The following SPECC1 variants were observed in gnomAD, a reference collection of about 807,000 sequenced individuals.
SPECC1 encodes cytospin-B.
Under a neutral mutation model 104.1 loss-of-function variants are expected in SPECC1, and 62 were observed. The ratio of observed to expected loss-of-function variants is 0.60; its 90% CI spans 0.49 to 0.74. SPECC1 has a LOEUF of 0.74. Among genes scored for constraint, SPECC1 ranks in the 30% least tolerant of loss-of-function variants. The probability of loss-of-function intolerance (pLI) is 0.00; values close to 1 mark genes in which losing one functional copy is unlikely to be tolerated. For synonymous variants in SPECC1, 513 were observed against 501.6 expected (o/e 1.02, Z -0.30); for missense variants, 1,306 against 1,310.5 (o/e 1.00, Z 0.05).
At chr17:20,295,791 T>C in intron 12 of SPECC1, among the ~76,000 whole-genome samples, 1 of 152,268 alleles carries the variant, frequency 6.6e-6, no homozygotes, top group East Asian at 1.9e-4. Context: ...CATTGTTTCA[T>C]GTGTCTGTTG....
At chr17:20,245,318 C>T (rs1311709416) in intron 7 of SPECC1, among the ~76,000 whole-genome samples, 1 of 152,192 alleles carries the variant, frequency 6.6e-6, no homozygotes, top group East Asian at 1.9e-4. Flanking sequence ...GGAAAGCTGC[C>T]ACCACAGTTG....
chr17:20,099,429 T>G (rs1020520032), intron 2 of SPECC1, among the ~76,000 whole-genome samples: 1 of 150,260 alleles, frequency 6.7e-6, no homozygotes, highest in African/African-American at 2.5e-5. Context: ...TTATGCCACT[T>G]TGGGAGGCTG....
chr17:20,224,689 A>G (rs950929709), intron 4 of SPECC1, among the ~76,000 whole-genome samples: 10 of 152,268 alleles, frequency 6.6e-5, no homozygotes, highest in African/African-American at 2.4e-4. Flanking sequence ...TTTAGTCAGC[A>G]GGTCTGGATC....
intron 12 of SPECC1, among the ~76,000 whole-genome samples, chr17:20,286,156 G>A (rs751982771): frequency 2.6e-5 from 4 of 152,242 alleles, no homozygotes; most frequent in South Asian, 2.1e-4. Flanking sequence ...GGATGCTCAC[G>A]AGGTGACCCA....
chr17:20,091,306 A>C (rs1165506004), intron 1 of SPECC1, among the ~76,000 whole-genome samples: 4 of 152,110 alleles, frequency 2.6e-5, no homozygotes, highest in African/African-American at 9.7e-5. Flanking sequence ...GCTGCGCCCC[A>C]ACCAGATTTT....
chr17:20,114,439 C>T (rs1169959783), intron 3 of SPECC1, among the ~76,000 whole-genome samples: 1 of 151,994 alleles, frequency 6.6e-6, no homozygotes, highest in Admixed American at 6.6e-5. Context: ...ATCCACCTGC[C>T]TTAGCCTCCC....
At chr17:20,191,959 CAG>C (rs1239833071) in intron 3 of SPECC1, among the ~76,000 whole-genome samples, 3 of 152,064 alleles carry the variant, frequency 2.0e-5, no homozygotes, top group Non-Finnish European at 4.4e-5. Flanking sequence ...TTTATTGAGA[CAG>C]TGTCTCACTC....
chr17:20,229,981 C>G (rs537526412), intron 5 of SPECC1, among the ~76,000 whole-genome samples: 2 of 152,258 alleles, frequency 1.3e-5, no homozygotes, highest in Admixed American at 6.5e-5. Flanking sequence ...GAAAGGTTAA[C>G]CTTGCAGGCA....
At chr17:20,047,765 T>C (rs2045593903) in intron 1 of SPECC1, among the ~76,000 whole-genome samples, 1 of 151,888 alleles carries the variant, frequency 6.6e-6, no homozygotes, top group African/African-American at 2.4e-5. Flanking sequence ...GCCTGGCTAA[T>C]TTTTTGTATT....
At chr17:20,135,950 T>C (rs1197667508) in intron 3 of SPECC1, among the ~76,000 whole-genome samples, 1 of 152,160 alleles carries the variant, frequency 6.6e-6, no homozygotes, top group Non-Finnish European at 1.5e-5. Flanking sequence ...CAAATTAACC[T>C]ACCAACTACA....
intron 7 of SPECC1, among the ~76,000 whole-genome samples, chr17:20,232,963 C>T (rs745819036): frequency 6.6e-6 from 1 of 152,208 alleles, no homozygotes; most frequent in Non-Finnish European, 1.5e-5. Flanking sequence ...ACATTCCCTT[C>T]TGCTCTTGAT....
At chr17:20,058,383 A>C (rs2046047495) in intron 1 of SPECC1, among the ~76,000 whole-genome samples, 1 of 152,200 alleles carries the variant, frequency 6.6e-6, no homozygotes, top group African/African-American at 2.4e-5. Context: ...TAATCCCAGC[A>C]CTTTGGGAGG....
chr17:20,174,945 G>A (rs1005907579), intron 3 of SPECC1, among the ~76,000 whole-genome samples: 1 of 151,950 alleles, frequency 6.6e-6, no homozygotes, highest in Non-Finnish European at 1.5e-5. Flanking sequence ...TGAAATGTTA[G>A]TTTCAAAAAA....
At chr17:20,177,920 G>C (rs1567906298) in intron 3 of SPECC1, among the ~76,000 whole-genome samples, 1 of 151,974 alleles carries the variant, frequency 6.6e-6, no homozygotes, top group East Asian at 1.9e-4. Context: ...ATGTTGGCCA[G>C]AATGGTCTTG....
At chr17:20,063,674 C>A (rs553088361) in intron 1 of SPECC1, among the ~76,000 whole-genome samples, 11 of 152,300 alleles carry the variant, frequency 7.2e-5, no homozygotes, top group Admixed American at 5.9e-4. Flanking sequence ...TCTCCTTCAC[C>A]TCCTCACTCC....
chr17:20,095,129 A>G (rs2047583970), intron 1 of SPECC1, among the ~76,000 whole-genome samples: 1 of 152,210 alleles, frequency 6.6e-6, no homozygotes, highest in African/African-American at 2.4e-5. Flanking sequence ...TATAGGTCTC[A>G]ACCTATGCAT....
intron 3 of SPECC1, among the ~76,000 whole-genome samples, chr17:20,183,268 G>A (rs1163316074): frequency 6.6e-6 from 1 of 152,212 alleles, no homozygotes; most frequent in Non-Finnish European, 1.5e-5. Flanking sequence ...CCCCTGTGGT[G>A]TGTGAATGAT....
intron 4 of SPECC1, among the ~76,000 whole-genome samples, chr17:20,219,149 T>C (rs2037700256): frequency 6.6e-6 from 1 of 152,228 alleles, no homozygotes. Flanking sequence ...TAATTTCCTT[T>C]CTTTTGGGTG....
chr17:20,072,521 C>G (rs2046594687), intron 1 of SPECC1, among the ~76,000 whole-genome samples: 1 of 152,230 alleles, frequency 6.6e-6, no homozygotes, highest in Non-Finnish European at 1.5e-5. Flanking sequence ...CTGTTGTCTC[C>G]TTCAAGGCAA....
Sources: allele counts gnomAD v4.1 joint callset (sites outside exome capture counted in the v4.1 genomes callset), GRCh38; gene constraint gnomAD v4.1.1; transcripts MANE v1.5; gene names NCBI Gene and HGNC (gene_info 2026-07-23, HGNC 2026-07-21).